Variants in AHDC1 observed in about 807,000 individuals in gnomAD.
AHDC1 encodes transcription factor Gibbin.
AHDC1 carries 7 observed loss-of-function variants against 87.9 expected under a neutral mutation model. The ratio of observed to expected loss-of-function variants is 0.08; its 90% confidence interval spans 0.05 to 0.15. The LOEUF is 0.15. Among genes scored for constraint, AHDC1 ranks in the 10% least tolerant of loss-of-function variants. AHDC1 has a pLI of 1.00. For missense variants in AHDC1, 1,841 were observed against 2,253.2 expected (o/e 0.82, Z 3.70); for synonymous variants, 1,051 against 1,006.8 (o/e 1.04, Z -0.83).
At chr1:27,570,773 G>A (rs1386395528) in intron 3 of AHDC1, among the ~76,000 whole-genome samples, 1 of 152,176 alleles carries the variant, frequency 6.6e-6, no homozygotes, top group Non-Finnish European at 1.5e-5. Flanking sequence ...GAGGAATGAG[G>A]AGATGGACTC....
rs2020077306 is a variant in AHDC1, at chr1:27,561,427, C to G, written c.-628-2544G>C. ...CAGCAGATAAACGTCAGGCCCCCACCCAGTGTAAATGAACTTCCAACAGTG... is the reference window on the plus strand; with the variant it reads ...CAGCAGATAAACGTCAGGCCCCCACGCAGTGTAAATGAACTTCCAACAGTG... On this transcript the variant is annotated intron_variant, in intron 3 of 8. Transcript: ENST00000673934. The surrounding 1 kb of genome is among the most constrained non-coding windows in gnomAD (Gnocchi z 4.2). Among the ~76,000 whole-genome samples, 1 of 152,178 alleles carries G rather than the reference C, an allele frequency of 6.6e-6. No homozygotes were observed. The highest frequency in any genetic ancestry group is 2.4e-5 in the African/African-American group (1 of 41,446).
intron 3 of AHDC1, among the ~76,000 whole-genome samples, chr1:27,583,441 T>C (rs959234077): frequency 2.0e-5 from 3 of 152,222 alleles, no homozygotes; most frequent in African/African-American, 7.2e-5. Flanking sequence ...CTTGTTCCCT[T>C]CCCTGAGCTC....
chr1:27,574,483 C>T (rs1390331463), intron 3 of AHDC1, among the ~76,000 whole-genome samples: 1 of 152,110 alleles, frequency 6.6e-6, no homozygotes, highest in Non-Finnish European at 1.5e-5. Flanking sequence ...TAGTTTTTCA[C>T]GTGAGGAAAG....
At position 27,550,013 on chromosome 1, in the gene AHDC1, T is replaced by C. The variant is rs1293028951; in HGVS notation, c.2103A>G (p.Lys701=). Residue 701 remains lysine (K), a synonymous_variant, in exon 8 of 9, where the codon AAA becomes AAG. Transcript: ENST00000673934. ...FSDFFEGIGK[K]KKVVAVAAAG... The stretch of plus-strand genomic sequence containing the variant: ...CGGCTGCCACGGCCACCACCTTCTT[T>C]TTCTTGCCGATGCCCTCAAAGAAGT... The C allele has an allele frequency of 3.8e-6, 6 of 1,599,160 alleles. No homozygotes were observed. The highest frequency in any genetic ancestry group is 5.1e-6 in the Non-Finnish European group (6 of 1,170,248).
intron 2 of AHDC1, 70 bp from the exon 3 acceptor site, chr1:27,603,564 T>A (rs2089600859): frequency 6.6e-6 from 1 of 152,296 alleles, no homozygotes; most frequent in African/African-American, 2.4e-5. Flanking sequence ...GCGCCTCGGC[T>A]CACATTCTCC....
chr1:27,535,100 C>T (rs985387657), intron 8 of AHDC1, among the ~76,000 whole-genome samples, 184 bp from the exon 9 acceptor site: 1 of 152,128 alleles, frequency 6.6e-6, no homozygotes, highest in Admixed American at 6.5e-5. Flanking sequence ...GCCCAGTTTC[C>T]CCATCTGTAA....
rs1337921837 is a variant in AHDC1, at chr1:27,598,889, C to G, written c.-629+4508G>C. ...CCTACCTTGCACTGGTGACAGCGCC[C>G]CCGTCACAAAGCCAGCAGCTTCAGA... On this transcript the variant is annotated intron_variant, in intron 3 of 8. Transcript: ENST00000673934. The surrounding 1 kb of genome is among the most constrained non-coding windows in gnomAD (Gnocchi z 4.2). 6.6e-6 allele frequency among the ~76,000 whole-genome samples: 1 copy of G among 152,130 alleles called. No individual in the cohort carries two copies. Among genetic ancestry groups the G allele is most frequent in the Non-Finnish European group, 1.5e-5 (1 of 68,016 alleles).
At chr1:27,578,976 G>A (rs994547460) in intron 3 of AHDC1, among the ~76,000 whole-genome samples, 1 of 151,684 alleles carries the variant, frequency 6.6e-6, no homozygotes, top group Non-Finnish European at 1.5e-5. Context: ...GATTACAGGC[G>A]TGAGCCACCA....
At position 27,551,006 on chromosome 1, in the gene AHDC1, C is replaced by A. The variant is rs778979466; in HGVS notation, c.1110G>T (p.Pro370=). The A allele has an allele frequency of 1.3e-6, 2 of 1,569,864 alleles. No individual in the cohort carries two copies. The highest frequency in any genetic ancestry group is 1.2e-5 in the South Asian group (1 of 86,572). ...GACCCTCAGGCCCGGGGGGGCCGTGCGGTGAGCACAAGTCCAGGCGCAAGG... is the reference window on the plus strand; with the variant it reads ...GACCCTCAGGCCCGGGGGGGCCGTGAGGTGAGCACAAGTCCAGGCGCAAGG... ...AEPLRLDLCS[P]HGPPGPEGHP... Residue 370 remains proline, a synonymous_variant, in exon 8 of 9, where the codon CCG becomes CCT. Coordinates refer to ENST00000673934, the MANE Select transcript of AHDC1 (RefSeq NM_001371928.1).
At chr1:27,567,383 G>A (rs568111863) in intron 3 of AHDC1, among the ~76,000 whole-genome samples, 174 of 152,198 alleles carry the variant, frequency 1.1e-3, no homozygotes, top group African/African-American at 3.9e-3. Flanking sequence ...AGCGGCCGTC[G>A]GGGGGCCGGG....
At chr1:27,568,644 G>A (rs2020427869) in intron 3 of AHDC1, among the ~76,000 whole-genome samples, 1 of 151,942 alleles carries the variant, frequency 6.6e-6, no homozygotes, top group Non-Finnish European at 1.5e-5. Context: ...GAGTGATGTC[G>A]CTAGGGGCGG....
intron 3 of AHDC1, among the ~76,000 whole-genome samples, chr1:27,589,603 C>T (rs1557704416): frequency 6.6e-6 from 1 of 152,118 alleles, no homozygotes; most frequent in Non-Finnish European, 1.5e-5. Context: ...TAAGCGTGTG[C>T]TTGTGTTTCT....
chr1:27,591,719 G>C (rs1022669488), intron 3 of AHDC1, among the ~76,000 whole-genome samples: 2 of 152,152 alleles, frequency 1.3e-5, no homozygotes, highest in Non-Finnish European at 2.9e-5. Flanking sequence ...ATACAGACCC[G>C]GATTAATGCC....
At chr1:27,576,094 T>G (rs979102419) in intron 3 of AHDC1, among the ~76,000 whole-genome samples, 3 of 152,060 alleles carry the variant, frequency 2.0e-5, no homozygotes, top group Non-Finnish European at 4.4e-5. Flanking sequence ...TGCACGCCCC[T>G]CCTGCAGAGA....
rs780048677 is a variant in AHDC1 at position 27,552,017 on chromosome 1, G to T, written c.99C>A (p.Pro33=). 4.2e-5 allele frequency: 62 copies of T among 1,466,602 alleles called. No individual in the cohort carries two copies. Among genetic ancestry groups the T allele is most frequent in the South Asian group, 6.9e-5 (5 of 72,128 alleles). The allele number at this position is 1,466,602 out of a possible 1,614,324, so 90.8% of individuals were successfully genotyped here. A position where few individuals can be genotyped will look rare whatever the true frequency, so the allele number is the denominator to read the frequency against. Residue 33 remains proline (P), a synonymous_variant, in exon 8 of 9, where the codon CCC becomes CCA. Transcript: ENST00000673934. The part of the protein sequence containing the change: ...REPKYYPGGP[P]TPRPLLPTRP... ...GGGTGGGAAGCAGGGGCCGGGGGGT[G>T]GGGGGGCCGCCGGGGTAGTACTTGG...
intron 3 of AHDC1, among the ~76,000 whole-genome samples, chr1:27,602,840 C>T (rs965087758): frequency 6.6e-6 from 1 of 152,026 alleles, no homozygotes; most frequent in Non-Finnish European, 1.5e-5. Flanking sequence ...GTCATTAGGT[C>T]CCCGCCCCTC....
chr1:27,591,283 G>A (rs1164596545), intron 3 of AHDC1, among the ~76,000 whole-genome samples: 2 of 152,214 alleles, frequency 1.3e-5, no homozygotes, highest in African/African-American at 4.8e-5. Context: ...GGGCCCAGGA[G>A]GAGGTAGCCT....
chr1:27,538,521 TG>T (rs1339652893), intron 8 of AHDC1, among the ~76,000 whole-genome samples: 1 of 151,498 alleles, frequency 6.6e-6, no homozygotes, highest in East Asian at 1.9e-4. Context: ...GGTTGTTTTT[TG>T]TTTTTTTTTT....
intron 3 of AHDC1, among the ~76,000 whole-genome samples, chr1:27,594,497 C>T (rs559362524): frequency 3.0e-4 from 45 of 152,356 alleles, no homozygotes; most frequent in Non-Finnish European, 4.9e-4. Flanking sequence ...GCTCTGCCCC[C>T]ACCCCAAAGA....
Sources: allele counts gnomAD v4.1 joint callset (sites outside exome capture counted in the v4.1 genomes callset), GRCh38; gene constraint gnomAD v4.1.1; non-coding constraint Gnocchi (gnomAD v3.1); transcripts MANE v1.5; gene names NCBI Gene and HGNC (gene_info 2026-07-23, HGNC 2026-07-21).